PRTG: variants seen among roughly 807,000 people sequenced by gnomAD.
PRTG encodes immunoglobulin superfamily, DCC subclass, member 5.
In PRTG, 67 loss-of-function variants were observed where a neutral mutation model predicts 122.5. The ratio of observed to expected loss-of-function variants is 0.55; its 90% CI spans 0.45 to 0.67. The LOEUF is 0.67. Ranked by LOEUF, PRTG falls within the 30% of genes least tolerant of loss-of-function variation. The probability of loss-of-function intolerance (pLI) is 0.00; values close to 1 mark genes in which losing one functional copy is unlikely to be tolerated. For synonymous variants in PRTG, 554 were observed against 501.1 expected (o/e 1.11, Z -1.41); for missense variants, 1,435 against 1,415.4 (o/e 1.01, Z -0.22).
intron 1 of PRTG, among the ~76,000 whole-genome samples, chr15:55,741,036 G>A (rs1350754375): frequency 6.6e-6 from 1 of 152,220 alleles, no homozygotes; most frequent in Non-Finnish European, 1.5e-5. Context: ...ATCTTGAACA[G>A]AGTAAGTCGT....
At position 55,705,292 on chromosome 15, in the gene PRTG, CA is replaced by C. The variant is rs2030056981; in HGVS notation, c.398-21362del. ...TCCCAGTAGGACACATACATTCATG[CA>C]AAAAGAACAGGTAATGTCCTTTTCT... On this transcript the variant is annotated intron_variant, in intron 2 of 19. Coordinates refer to ENST00000389286, the MANE Select transcript of PRTG (RefSeq NM_173814.6). 1.3e-5 allele frequency among the ~76,000 whole-genome samples: 2 copies of C among 152,112 alleles called. 1 individual carries two copies. The highest frequency in any genetic ancestry group is 4.1e-4 in the South Asian group (2 of 4,820).
At chr15:55,738,982 A>G (rs1176164503) in intron 2 of PRTG, among the ~76,000 whole-genome samples, 4 of 151,796 alleles carry the variant, frequency 2.6e-5, no homozygotes, top group Non-Finnish European at 4.4e-5. Flanking sequence ...AGAAATGAAA[A>G]ATCAGAAATC....
chr15:55,742,529 G>T (rs894727231), intron 1 of PRTG: 1 of 308,232 alleles, frequency 3.2e-6, no homozygotes, highest in Non-Finnish European at 5.9e-6. Flanking sequence ...ACAATGGCGC[G>T]AGAAGGAAGA....
intron 11 of PRTG, among the ~76,000 whole-genome samples, chr15:55,665,449 A>T (rs904015556): frequency 6.6e-6 from 1 of 151,414 alleles, no homozygotes; most frequent in Admixed American, 6.6e-5. Flanking sequence ...GAACTTCTAA[A>T]TTCTAGTAAT....
chr15:55,667,656 AT>A (rs1484587641), intron 11 of PRTG, among the ~76,000 whole-genome samples: 1 of 152,222 alleles, frequency 6.6e-6, no homozygotes, highest in Non-Finnish European at 1.5e-5. Context: ...GTTTTTAAAT[AT>A]TCTCTTTTGT....
At chr15:55,683,161 T>A (rs2141817748) in intron 3 of PRTG, among the ~76,000 whole-genome samples, 1 of 152,222 alleles carries the variant, frequency 6.6e-6, no homozygotes, top group East Asian at 1.9e-4. Flanking sequence ...TATCCATATA[T>A]TGTCCAAGAC....
rs762931097 is a variant in PRTG at position 55,637,349 on chromosome 15, A to T, written c.2453-9T>A. On this transcript the variant is annotated splice_polypyrimidine_tract_variant and intron_variant, in intron 14 of 19. Coordinates refer to ENST00000389286, the MANE Select transcript of PRTG (RefSeq NM_173814.6). ...TGGTGGGCCTGCTGGTGCTGTGCAGACACAACAAAACATTGTATTAATATA... is the reference window on the plus strand; with the variant it reads ...TGGTGGGCCTGCTGGTGCTGTGCAGTCACAACAAAACATTGTATTAATATA... The T allele has an allele frequency of 6.3e-7, 1 of 1,599,914 alleles. No homozygotes were observed. The highest frequency in any genetic ancestry group is 1.1e-5 in the South Asian group (1 of 88,578).
Position 55,680,149 on chromosome 15 carries a change from T to C in PRTG, c.878A>G (p.Asp293Gly). ...VLGNGNLMIS[D>G]VRLQHAGVYV... ...TACTCCAGCATGTTGTAGCCTGACA[T>C]CAGATATCATGAGATTACCATTTCC... The change falls in exon 6 of 20, where the codon GAT (aspartate) becomes GGT (glycine). Residue 293 changes from aspartate to glycine, a missense_variant. Coordinates refer to ENST00000389286, the MANE Select transcript of PRTG (RefSeq NM_173814.6). The C allele has an allele frequency of 6.2e-7, 1 of 1,612,288 alleles. No individual in the cohort carries two copies. Among genetic ancestry groups the C allele is most frequent in the South Asian group, 1.1e-5 (1 of 91,038 alleles).
chr15:55,666,534 C>G (rs1322763928), intron 11 of PRTG, among the ~76,000 whole-genome samples: 2 of 152,214 alleles, frequency 1.3e-5, no homozygotes, highest in African/African-American at 4.8e-5. Context: ...GCAAAAATTT[C>G]AGGCCCCACC....
At chr15:55,735,215 A>T (rs1357558640) in intron 2 of PRTG, among the ~76,000 whole-genome samples, 1 of 152,186 alleles carries the variant, frequency 6.6e-6, no homozygotes, top group Non-Finnish European at 1.5e-5. Context: ...TCCAAGTAGG[A>T]TCCTCAACAA....
intron 2 of PRTG, among the ~76,000 whole-genome samples, chr15:55,718,418 G>C (rs1166872639): frequency 6.6e-6 from 1 of 151,902 alleles, no homozygotes; most frequent in Admixed American, 6.6e-5. Flanking sequence ...CCCAAGCGTT[G>C]CTGAGTCTTT....
chr15:55,703,913 G>A (rs1403154242), intron 2 of PRTG, among the ~76,000 whole-genome samples: 2 of 152,208 alleles, frequency 1.3e-5, no homozygotes, highest in Non-Finnish European at 2.9e-5. Context: ...CAGCAACAGT[G>A]TGTGGTCACA....
chr15:55,684,181 A>G (rs935209209), intron 2 of PRTG, among the ~76,000 whole-genome samples: 9 of 152,262 alleles, frequency 5.9e-5, no homozygotes, highest in African/African-American at 2.2e-4. Flanking sequence ...CTATTTGGAG[A>G]TAAAAAGTTA....
intron 8 of PRTG, among the ~76,000 whole-genome samples, chr15:55,676,219 C>CA (rs887111318): frequency 8.0e-5 from 12 of 150,560 alleles, no homozygotes; most frequent in African/African-American, 2.9e-4. Context: ...ATACTGAGGG[C>CA]AAAAAAACTG....
At chr15:55,644,231 G>A (rs996433550) in intron 11 of PRTG, among the ~76,000 whole-genome samples, 18 of 152,296 alleles carry the variant, frequency 1.2e-4, no homozygotes, top group African/African-American at 4.1e-4. Context: ...GAATACAGGA[G>A]ATACAGAAAA....
chr15:55,644,196 T>A (rs2059308099), intron 11 of PRTG, among the ~76,000 whole-genome samples: 3 of 152,076 alleles, frequency 2.0e-5, no homozygotes. Context: ...TAGGAAAGCC[T>A]CCAGAATATA....
chr15:55,716,818 C>G (rs1286429235), intron 2 of PRTG, among the ~76,000 whole-genome samples: 1 of 152,148 alleles, frequency 6.6e-6, no homozygotes, highest in Non-Finnish European at 1.5e-5. Flanking sequence ...CACAACAAAA[C>G]TATGTATCAC....
rs772342098 is a variant in PRTG, at chr15:55,639,826, C to T, written c.2140G>A (p.Val714Ile). 6.2e-7 allele frequency: 1 copy of T among 1,613,456 alleles called. No individual in the cohort carries two copies. The highest frequency in any genetic ancestry group is 1.3e-5 in the African/African-American group (1 of 74,864). Residue 714 changes from valine to isoleucine, a missense_variant and splice_region_variant, in exon 13 of 20, where the codon GTT becomes ATT. Val to Ile is a conservative substitution (Grantham distance 29, BLOSUM62 3). Coordinates refer to ENST00000389286, the MANE Select transcript of PRTG (RefSeq NM_173814.6). ...GGAGGAGGGACCATGCGATCACGAACAGCTATTGAGAAAAACAATGTTAAT... is the reference window on the plus strand; with the variant it reads ...GGAGGAGGGACCATGCGATCACGAATAGCTATTGAGAAAAACAATGTTAAT... The part of the protein sequence containing the change: ...QTVSTPGCVS[V>I]RDRMVPPPPP...
In PRTG at chr15:55,639,780, T is replaced by G. The variant is rs772078779; in HGVS notation, c.2186A>C (p.Tyr729Ser). The G allele has an allele frequency of 1.2e-6, 2 of 1,614,094 alleles. No individual in the cohort carries two copies. Among genetic ancestry groups the G allele is most frequent in the African/African-American group, 1.3e-5 (1 of 75,008 alleles). ...GGAAGATGAGGTGTTAGCCTTCGCA[T>G]AGAGATGGTGGGGTGGTGGTGGAGG... ...VPPPPPPHHL[Y>S]AKANTSSSIF... The change falls in exon 13 of 20, where the codon TAT becomes TCT. Residue 729 changes from tyrosine to serine, a missense_variant. Physicochemically the swap from Tyr to Ser is moderately radical, Grantham distance 144. Coordinates refer to ENST00000389286, the MANE Select transcript of PRTG (RefSeq NM_173814.6).
Sources: allele counts gnomAD v4.1 joint callset (sites outside exome capture counted in the v4.1 genomes callset), GRCh38; gene constraint gnomAD v4.1.1; transcripts MANE v1.5; gene names NCBI Gene and HGNC (gene_info 2026-07-23, HGNC 2026-07-21).